FTO: variants seen among roughly 807,000 people sequenced by gnomAD.
The protein encoded by FTO is alpha-ketoglutarate-dependent dioxygenase FTO.
In FTO, 47 loss-of-function variants were observed where a neutral mutation model predicts 63.9. That is an observed-to-expected ratio of 0.74 (90% CI 0.58 to 0.94). FTO has a LOEUF of 0.94. Ranked by LOEUF, FTO falls within the 40% of genes least tolerant of loss-of-function variation. The pLI is 0.00. For missense variants in FTO, 562 were observed against 618.1 expected (o/e 0.91, Z 0.96); for synonymous variants, 207 against 224.4 (o/e 0.92, Z 0.69).
intron 8 of FTO, among the ~76,000 whole-genome samples, chr16:54,063,295 C>A (rs536308841): frequency 3.9e-4 from 60 of 152,254 alleles, no homozygotes; most frequent in Non-Finnish European, 5.6e-4. Context: ...CAAGCGGAAG[C>A]AGGGGGGCCC....
At chr16:53,724,639 C>T (rs1286054564) in intron 1 of FTO, among the ~76,000 whole-genome samples, 1 of 152,180 alleles carries the variant, frequency 6.6e-6, no homozygotes. Flanking sequence ...AATGTGTCTA[C>T]CTGCCTTTTT....
chr16:53,742,699 C>T (rs148469680), intron 1 of FTO, among the ~76,000 whole-genome samples: 2 of 152,180 alleles, frequency 1.3e-5, no homozygotes, highest in African/African-American at 4.8e-5. Context: ...TAGTATGTAC[C>T]AGGCATTTTA....
chr16:53,812,334 G>C (rs566941127), intron 2 of FTO, among the ~76,000 whole-genome samples: 1 of 149,742 alleles, frequency 6.7e-6, no homozygotes, highest in Non-Finnish European at 1.5e-5. Context: ...GCAGTGGCGC[G>C]ATCTGAGCTC....
intron 8 of FTO, among the ~76,000 whole-genome samples, chr16:54,104,200 G>A (rs752239045): frequency 6.6e-6 from 1 of 152,028 alleles, no homozygotes; most frequent in Non-Finnish European, 1.5e-5. Flanking sequence ...AAAGCAAAAG[G>A]CCATTGAGAG....
intron 8 of FTO, among the ~76,000 whole-genome samples, chr16:54,050,653 C>G (rs1275287617): frequency 6.6e-6 from 1 of 152,136 alleles, no homozygotes; most frequent in African/African-American, 2.4e-5. Context: ...TTCCTCCCTG[C>G]ATGGTATTTG....
intron 1 of FTO, among the ~76,000 whole-genome samples, chr16:53,719,481 G>T (rs1419714238): frequency 6.6e-6 from 1 of 151,926 alleles, no homozygotes; most frequent in Admixed American, 6.6e-5. Context: ...ACATGGCATT[G>T]AGCATAACAT....
At chr16:53,714,830 AG>A (rs1263434890) in intron 1 of FTO, among the ~76,000 whole-genome samples, 1 of 152,178 alleles carries the variant, frequency 6.6e-6, no homozygotes, top group Non-Finnish European at 1.5e-5. Context: ...AAGGGAGGAA[AG>A]GATGAGTAGC....
chr16:53,847,292 C>T (rs1200948511), intron 4 of FTO, among the ~76,000 whole-genome samples: 1 of 152,224 alleles, frequency 6.6e-6, no homozygotes, highest in Non-Finnish European at 1.5e-5. Flanking sequence ...CCTCCTCACC[C>T]TACTCAGCGC....
rs1331492011 is a variant in FTO at position 54,096,625 on chromosome 16, T to G, written c.1365-15137T>G. On this transcript the variant is annotated intron_variant, in intron 8 of 8. Coordinates refer to ENST00000471389, the MANE Select transcript of FTO (RefSeq NM_001080432.3). ...CTTGCCTGCAAAAATAGCTTTTGAA[T>G]CAGAGTTTAAGAGTGAGTGGCAGTA... 2.6e-5 allele frequency among the ~76,000 whole-genome samples: 4 copies of G among 152,204 alleles called. No homozygotes were observed. The East Asian group carries it at 5.8e-4, about 22-fold the overall frequency.
chr16:53,902,971 G>A (rs920827330), intron 7 of FTO, among the ~76,000 whole-genome samples: 10 of 152,106 alleles, frequency 6.6e-5, no homozygotes, highest in Non-Finnish European at 5.9e-5. Context: ...TTAGCCAGGC[G>A]TAGTGGCACA....
intron 3 of FTO, among the ~76,000 whole-genome samples, chr16:53,833,421 C>A (rs1302815131): frequency 6.6e-6 from 1 of 152,120 alleles, no homozygotes; most frequent in African/African-American, 2.4e-5. Flanking sequence ...TATGAATATA[C>A]CACATTTTGT....
At chr16:54,079,410 A>G (rs1438276652) in intron 8 of FTO, among the ~76,000 whole-genome samples, 1 of 152,248 alleles carries the variant, frequency 6.6e-6, no homozygotes, top group South Asian at 2.1e-4. Flanking sequence ...AAGAAAATAC[A>G]TAAGTAAATT....
intron 1 of FTO, among the ~76,000 whole-genome samples, chr16:53,772,541 A>G (rs56094641): frequency 0.31 from 46,890 of 151,998 alleles, 8,828 homozygotes; most frequent in Non-Finnish European, 0.42. Flanking sequence ...GTCTTCCAAC[A>G]TTAAAATGTA....
At chr16:53,719,253 C>CTTTTTTTTTTTTTTTTTTTTT (rs10527186) in intron 1 of FTO, among the ~76,000 whole-genome samples, 2 of 135,648 alleles carry the variant, frequency 1.5e-5, no homozygotes, top group African/African-American at 2.8e-5. Context: ...TCTTCTTCTT[C>CTTTTTTTTTTTTTTTTTTTTT]TTTTTTTTTT....
At chr16:54,061,457 A>G (rs1015006940) in intron 8 of FTO, among the ~76,000 whole-genome samples, 1 of 152,220 alleles carries the variant, frequency 6.6e-6, no homozygotes, top group Non-Finnish European at 1.5e-5. Context: ...ATCTGACTTC[A>G]TGGGCAGGTG....
chr16:53,820,480 C>CTT (rs61060863), intron 2 of FTO, among the ~76,000 whole-genome samples: 10 of 146,218 alleles, frequency 6.8e-5, no homozygotes, highest in African/African-American at 1.7e-4. Context: ...GAAAGGTTTC[C>CTT]TTTTTTTTTT....
At chr16:53,777,641 TA>T (rs2077492298) in intron 1 of FTO, among the ~76,000 whole-genome samples, 1 of 152,094 alleles carries the variant, frequency 6.6e-6, no homozygotes, top group South Asian at 2.1e-4. Flanking sequence ...TTATACAGTG[TA>T]AAAAAAGGTC....
At chr16:53,803,871 T>C (rs184058045) in intron 1 of FTO, among the ~76,000 whole-genome samples, 3 of 152,358 alleles carry the variant, frequency 2.0e-5, no homozygotes, top group African/African-American at 7.2e-5. Context: ...ACATTTCTCC[T>C]GTAGATCACT....
At chr16:53,725,069 T>C (rs1399027744) in intron 1 of FTO, among the ~76,000 whole-genome samples, 1 of 152,228 alleles carries the variant, frequency 6.6e-6, no homozygotes, top group Non-Finnish European at 1.5e-5. Context: ...TGTTCTGTAT[T>C]ATCCTTTAGG....
Sources: allele counts gnomAD v4.1 joint callset (sites outside exome capture counted in the v4.1 genomes callset), GRCh38; gene constraint gnomAD v4.1.1; transcripts MANE v1.5; gene names NCBI Gene and HGNC (gene_info 2026-07-23, HGNC 2026-07-21).